The following APC variants were observed in gnomAD, a reference collection of about 807,000 sequenced individuals.
APC encodes the protein adenomatous polyposis coli protein.
Under a neutral mutation model 247.0 loss-of-function variants are expected in APC, and 72 were observed. The ratio of observed to expected loss-of-function variants is 0.29; its 90% CI spans 0.24 to 0.35. The LOEUF is 0.35. Ranked by LOEUF, APC falls within the 10% of genes least tolerant of loss-of-function variation. The pLI is 1.00. For synonymous variants in APC, 1,254 were observed against 1,162.5 expected (o/e 1.08, Z -1.60); for missense variants, 3,400 against 3,360.7 (o/e 1.01, Z -0.29).
At chr5:112,785,937 A>G (rs556081350) in intron 6 of APC, among the ~76,000 whole-genome samples, 2 of 152,348 alleles carry the variant, frequency 1.3e-5, no homozygotes, top group South Asian at 2.1e-4. Flanking sequence ...ATAAAGAGGA[A>G]GGAAAGTTGG....
chr5:112,718,743 A>G, intron 1 of APC, among the ~76,000 whole-genome samples: 1 of 152,266 alleles, frequency 6.6e-6, no homozygotes, highest in Non-Finnish European at 1.5e-5. Flanking sequence ...AGCTTTTTAA[A>G]TTGTCTTTGT....
chr5:112,742,602 G>A (rs144451376), intron 1 of APC, among the ~76,000 whole-genome samples: 11 of 152,286 alleles, frequency 7.2e-5, no homozygotes, highest in Admixed American at 2.6e-4. Context: ...ATTGGCAAGA[G>A]ACCTCAGTTC....
At chr5:112,824,818 C>T (rs2149800771) in intron 11 of APC, among the ~76,000 whole-genome samples, 1 of 152,260 alleles carries the variant, frequency 6.6e-6, no homozygotes, top group East Asian at 1.9e-4. Flanking sequence ...AGTTCTTTTA[C>T]AGGCTCCTTT....
At chr5:112,715,406 G>T (rs1751109686) in intron 1 of APC, among the ~76,000 whole-genome samples, 2 of 152,156 alleles carry the variant, frequency 1.3e-5, no homozygotes, top group African/African-American at 4.8e-5. Context: ...GGGGACAGGG[G>T]ATACTACTTT....
At chr5:112,721,771 A>G (rs571703389) in intron 1 of APC, among the ~76,000 whole-genome samples, 1 of 152,350 alleles carries the variant, frequency 6.6e-6, no homozygotes, top group East Asian at 1.9e-4. Flanking sequence ...GCCTCCCTCT[A>G]CACCAGGCTT....
At chr5:112,746,087 T>C (rs1753639558) in intron 1 of APC, among the ~76,000 whole-genome samples, 1 of 152,122 alleles carries the variant, frequency 6.6e-6, no homozygotes, top group African/African-American at 2.4e-5. Flanking sequence ...TAAAGAATTT[T>C]TAAATGACAG....
Position 112,837,925 on chromosome 5 carries a change from C to A in APC, c.2331C>A (p.Asp777Glu), listed in dbSNP as rs1765155954. 6.2e-7 allele frequency: 1 copy of A among 1,614,088 alleles called. No homozygotes were observed. Among genetic ancestry groups the A allele is most frequent in the African/African-American group, 1.3e-5 (1 of 75,034 alleles). The change falls in exon 16 of 16, where the codon GAC (aspartate) becomes GAA (glutamate). Residue 777 changes from aspartate (D) to glutamate (E), a missense_variant. Transcript: ENST00000257430. ...TATCAGAAACTTTTGACAATATAGA[C>A]AATTTAAGTCCCAAGGCATCTCATC... ...QHLSETFDNI[D>E]NLSPKASHRS...
intron 1 of APC, among the ~76,000 whole-genome samples, chr5:112,727,268 A>C (rs1211045571): frequency 6.6e-6 from 1 of 151,994 alleles, no homozygotes; most frequent in Non-Finnish European, 1.5e-5. Context: ...ATAATTTTAT[A>C]GTCTATACTT....
chr5:112,708,834 TG>T (rs1750685295), intron 1 of APC, among the ~76,000 whole-genome samples: 1 of 152,260 alleles, frequency 6.6e-6, no homozygotes, highest in Non-Finnish European at 1.5e-5. Context: ...GATTTAGTCT[TG>T]TGCCAGTCTC....
At chr5:112,716,877 CTAGT>C (rs1193424681) in intron 1 of APC, among the ~76,000 whole-genome samples, 3 of 152,144 alleles carry the variant, frequency 2.0e-5, no homozygotes, top group East Asian at 1.9e-4. Flanking sequence ...TCTTCTTTTA[CTAGT>C]TATTCTAGAA....
intron 2 of APC, among the ~76,000 whole-genome samples, chr5:112,756,965 G>A (rs538870813): frequency 2.0e-5 from 3 of 152,204 alleles, no homozygotes; most frequent in Non-Finnish European, 2.9e-5. Context: ...TGAGCATTTC[G>A]TTTGAGTGTC....
intron 6 of APC, among the ~76,000 whole-genome samples, chr5:112,783,480 C>T (rs1450250003): frequency 6.6e-6 from 1 of 151,808 alleles, no homozygotes; most frequent in Non-Finnish European, 1.5e-5. Flanking sequence ...CTACAAGGAT[C>T]ACCTACAAAT....
At chr5:112,736,318 C>T (rs1752380837), upstream of APC, among the ~76,000 whole-genome samples, 1 of 151,926 alleles carries the variant, frequency 6.6e-6, no homozygotes, top group Non-Finnish European at 1.5e-5. Flanking sequence ...AGTAGTATGC[C>T]ATCAGTGTGG....
Position 112,842,706 on chromosome 5 carries a change from G to C in APC, c.7112G>C (p.Arg2371Thr), listed in dbSNP as rs1161972648. ...AAAATGTCATATACATCTCCAGGTA[G>C]ACAGATGAGCCAACAGAACCTTACC... The part of the protein sequence containing the change: ...SGKMSYTSPG[R>T]QMSQQNLTKQ... Residue 2371 changes from arginine (R) to threonine (T), a missense_variant, in exon 16 of 16, where the codon AGA becomes ACA. By Grantham distance (71) the Arg-to-Thr change is moderately conservative. Coordinates refer to ENST00000257430, the MANE Select transcript of APC (RefSeq NM_000038.6). The C allele has an allele frequency of 6.2e-7, 1 of 1,613,568 alleles. No individual in the cohort carries two copies. Among genetic ancestry groups the C allele is most frequent in the East Asian group, 2.2e-5 (1 of 44,870 alleles).
At position 112,843,911 on chromosome 5, in the gene APC, C is replaced by G. The variant is rs746954122; in HGVS notation, c.8317C>G (p.Pro2773Ala). 1 of 1,613,356 alleles carries G rather than the reference C, an allele frequency of 6.2e-7. No homozygotes were observed. Among genetic ancestry groups the G allele is most frequent in the East Asian group, 2.2e-5 (1 of 44,872 alleles). ...TAGCAGCTCAAGCAAACACAGTTCA[C>G]CTAGTGGGACTGTTGCTGCCAGAGT... ...SSSSSSKHSS[P>A]SGTVAARVTP... Residue 2773 changes from proline to alanine, a missense_variant, in exon 16 of 16, where the codon CCT becomes GCT. Physicochemically the swap from Pro to Ala is conservative, Grantham distance 27. This residue lies in a region of APC where 1,788 missense variants were observed against 1,649.5 expected (regional missense o/e 1.08). Coordinates refer to ENST00000257430, the MANE Select transcript of APC (RefSeq NM_000038.6). This position sits in a 1 kb window ranked among gnomAD's most constrained non-coding sequence, Gnocchi z 4.8.
At chr5:112,743,394 A>G (rs533332327) in intron 1 of APC, among the ~76,000 whole-genome samples, 1 of 151,630 alleles carries the variant, frequency 6.6e-6, no homozygotes, top group South Asian at 2.1e-4. Context: ...GTGGGGCCAT[A>G]CACAGGCATA....
intron 11 of APC, among the ~76,000 whole-genome samples, chr5:112,824,146 A>G (rs1201280983): frequency 6.6e-6 from 1 of 152,222 alleles, no homozygotes; most frequent in East Asian, 1.9e-4. Context: ...GTGCTCTACT[A>G]TCGGTAGTTT....
chr5:112,819,655 T>A (rs1381343497), intron 10 of APC, among the ~76,000 whole-genome samples: 1 of 152,218 alleles, frequency 6.6e-6, no homozygotes, highest in Non-Finnish European at 1.5e-5. Flanking sequence ...ACTTCATAGC[T>A]GAAGCTCATT....
At chr5:112,750,512 C>G (rs1581107692) in intron 1 of APC, among the ~76,000 whole-genome samples, 1 of 143,914 alleles carries the variant, frequency 6.9e-6, no homozygotes, top group Admixed American at 7.1e-5. Flanking sequence ...TGTTTTTCAT[C>G]AACCTCATTT....
Sources: gnomAD v4.1 joint callset for allele counts (sites outside exome capture counted in the v4.1 genomes callset) on GRCh38, gnomAD v4.1.1 for gene constraint, gnomAD v4.1.1 regional missense constraint, Gnocchi (gnomAD v3.1) non-coding constraint, MANE v1.5 for transcripts, NCBI Gene and HGNC (gene_info 2026-07-23, HGNC 2026-07-21) for gene names.